CUBN: variants seen among roughly 807,000 people sequenced by gnomAD.
The protein encoded by CUBN is 460 kDa receptor.
CUBN carries 282 observed loss-of-function variants against 405.3 expected under a neutral mutation model. The observed-to-expected ratio is 0.70, with a 90% CI of 0.63 to 0.77. The LOEUF (loss-of-function observed/expected upper bound fraction) is 0.77, where lower values mean the gene tolerates loss of function less well. Ranked by LOEUF, CUBN falls within the 30% of genes least tolerant of loss-of-function variation. The probability of loss-of-function intolerance (pLI) is 0.00; values close to 1 mark genes in which losing one functional copy is unlikely to be tolerated. For synonymous variants in CUBN, 1,684 were observed against 1,617.0 expected, an observed-to-expected ratio of 1.04 and a Z score of -0.99; for missense variants, 4,514 against 4,475.2, an observed-to-expected ratio of 1.01 and a Z score of -0.25.
intron 17 of CUBN, among the ~76,000 whole-genome samples, chr10:17,081,965 G>GT (rs35837265): frequency 0.54 from 81,056 of 151,254 alleles, 22,203 homozygotes; most frequent in East Asian, 0.77. Flanking sequence ...GAATAATACA[G>GT]TTTTTTTTTC....
At chr10:16,828,249 TG>T (rs1434246000) in intron 66 of CUBN, among the ~76,000 whole-genome samples, 3 of 152,112 alleles carry the variant, frequency 2.0e-5, no homozygotes, top group African/African-American at 7.2e-5. Flanking sequence ...GGAAGTCTAA[TG>T]TAAGTAACTC....
chr10:17,127,152 T>TTTTC (rs1327971235), intron 3 of CUBN, among the ~76,000 whole-genome samples: 1 of 152,050 alleles, frequency 6.6e-6, no homozygotes, highest in Non-Finnish European at 1.5e-5. Context: ...GCAAGGCTTC[T>TTTTC]TTTCTTTCTT....
intron 40 of CUBN, among the ~76,000 whole-genome samples, chr10:16,928,514 A>ACCCCCCC (rs1316507753): frequency 1.5e-5 from 1 of 66,600 alleles, no homozygotes; most frequent in African/African-American, 5.4e-5. Flanking sequence ...CTTTACCCCC[A>ACCCCCCC]CCCCACCCCA....
chr10:17,043,837 T>A lies in CUBN; in HGVS notation c.3819A>T (p.Glu1273Asp). ...GGTATTCACACTTACTCTGCCGGTA[T>A]TCAGCCTTGAAGCCACGTCCTTGCT... Reference protein sequence around the residue: ...EGQQGRGFKAEYRQTCENVVI... With the variant: ...EGQQGRGFKADYRQTCENVVI... The change falls in exon 26 of 67, where the codon GAA (glutamate) becomes GAT (aspartate). Residue 1273 changes from glutamate (E) to aspartate (D), a missense_variant. Physicochemically the swap from Glu to Asp is conservative, Grantham distance 45. Transcript: ENST00000377833. 1 of 1,613,424 alleles carries A rather than the reference T, an allele frequency of 6.2e-7. No homozygotes were observed. The highest frequency in any genetic ancestry group is 8.5e-7 in the Non-Finnish European group (1 of 1,179,522).
At chr10:16,898,861 C>T (rs892071767) in intron 54 of CUBN, 135 bp downstream of exon 54, 6 of 714,654 alleles carry the variant, frequency 8.4e-6, no homozygotes, top group Non-Finnish European at 1.5e-5. Context: ...TGAGGTTTCT[C>T]ACTTTCTCAC....
intron 59 of CUBN, among the ~76,000 whole-genome samples, chr10:16,855,249 C>A (rs752657869): frequency 7.2e-5 from 11 of 151,846 alleles, no homozygotes; most frequent in Admixed American, 2.6e-4. Flanking sequence ...CCCAGCTTAA[C>A]TGGCTGATTT....
At chr10:16,864,227 C>T (rs1488545125) in intron 59 of CUBN, among the ~76,000 whole-genome samples, 1 of 152,142 alleles carries the variant, frequency 6.6e-6, no homozygotes, top group Non-Finnish European at 1.5e-5. Flanking sequence ...CTTTTGATTT[C>T]AGATTTAGGT....
intron 60 of CUBN, among the ~76,000 whole-genome samples, chr10:16,848,689 C>CATT (rs1839590151): frequency 3.2e-4 from 11 of 33,860 alleles, no homozygotes; most frequent in South Asian, 2.7e-3. Context: ...TCTCTCCCAG[C>CATT]CTTTTTTTTT....
At position 17,115,507 on chromosome 10, in the gene CUBN, G is replaced by A. The variant is rs1836872039; in HGVS notation, c.684C>T (p.Gly228=). 2 of 1,614,104 alleles carry A rather than the reference G, an allele frequency of 1.2e-6. No homozygotes were observed. The highest frequency in any genetic ancestry group is 1.7e-6 in the Non-Finnish European group (2 of 1,179,994). Residue 228 remains glycine, a synonymous_variant, in exon 7 of 67, where the codon GGC becomes GGT. Transcript: ENST00000377833. ...GCTCTCGCATTAAATCCTCACAGAT[G>A]CCATGGACACAGCGTGCCACAGAAC... The part of the protein sequence containing the change: ...EGGSVARCVH[G]ICEDLMREQA...
At chr10:16,966,985 C>T (rs1843410455) in intron 31 of CUBN, among the ~76,000 whole-genome samples, 1 of 152,072 alleles carries the variant, frequency 6.6e-6, no homozygotes, top group Admixed American at 6.5e-5. Context: ...ACGAACTTCT[C>T]CAAAATAGAG....
intron 28 of CUBN, among the ~76,000 whole-genome samples, chr10:17,005,745 C>T (rs1834002535): frequency 6.6e-6 from 1 of 152,142 alleles, no homozygotes; most frequent in Non-Finnish European, 1.5e-5. Context: ...GACTAACTCC[C>T]CAAAGTCAAG....
At chr10:16,964,452 T>G (rs1843330116) in intron 31 of CUBN, among the ~76,000 whole-genome samples, 1 of 152,188 alleles carries the variant, frequency 6.6e-6, no homozygotes, top group East Asian at 1.9e-4. Flanking sequence ...TATGCATGTT[T>G]GTGTGTACAT....
intron 31 of CUBN, among the ~76,000 whole-genome samples, chr10:16,975,613 T>C (rs1453737457): frequency 6.7e-6 from 1 of 150,132 alleles, no homozygotes; most frequent in Non-Finnish European, 1.5e-5. Flanking sequence ...CAAACTTCTC[T>C]TAAAGACCTT....
chr10:16,931,318 GAC>G (rs1220131744), intron 40 of CUBN, among the ~76,000 whole-genome samples: 9 of 151,596 alleles, frequency 5.9e-5, no homozygotes, highest in African/African-American at 2.2e-4. Context: ...ATGTGTAAAT[GAC>G]TACAATACTC....
intron 27 of CUBN, chr10:17,023,609 A>T: frequency 4.4e-6 from 2 of 455,904 alleles, no homozygotes; most frequent in Non-Finnish European, 8.8e-6. Context: ...CAGAATGTTA[A>T]CCACAGGACG....
At chr10:17,087,472 C>A (rs11254362) in intron 15 of CUBN, among the ~76,000 whole-genome samples, 14 of 71,732 alleles carry the variant, frequency 2.0e-4, no homozygotes, top group African/African-American at 6.2e-4. Flanking sequence ...TTTTCTTTTT[C>A]TTTTTTTTTT....
intron 54 of CUBN, among the ~76,000 whole-genome samples, chr10:16,897,694 G>A (rs1176134516): frequency 6.6e-6 from 1 of 152,136 alleles, no homozygotes; most frequent in Non-Finnish European, 1.5e-5. Flanking sequence ...TCCTGCGGGG[G>A]CTGCTTGCCG....
At chr10:16,889,765 G>A (rs531479821) in intron 55 of CUBN, among the ~76,000 whole-genome samples, 24 of 151,880 alleles carry the variant, frequency 1.6e-4, no homozygotes, top group African/African-American at 5.6e-4. Flanking sequence ...AGCTGGGCAT[G>A]GTGGCACACA....
intron 14 of CUBN, among the ~76,000 whole-genome samples, chr10:17,094,552 C>A (rs1026546843): frequency 6.6e-6 from 1 of 151,906 alleles, no homozygotes; most frequent in Non-Finnish European, 1.5e-5. Context: ...CAAACTAATT[C>A]AGTAAAGTTA....
Sources: allele counts gnomAD v4.1 joint callset (sites outside exome capture counted in the v4.1 genomes callset), GRCh38; gene constraint gnomAD v4.1.1; transcripts MANE v1.5; gene names NCBI Gene and HGNC (gene_info 2026-07-23, HGNC 2026-07-21).